SPG11: variants seen among roughly 807,000 people sequenced by gnomAD.
The protein encoded by SPG11 is SPG11 vesicle trafficking associated, spatacsin.
A neutral mutation model predicts 274.0 loss-of-function variants in SPG11; 222 were observed. The observed-to-expected ratio is 0.81, with a 90% confidence interval of 0.73 to 0.91. The LOEUF is 0.91. SPG11 is among the 40% of genes least tolerant of loss of function. SPG11 has a pLI of 0.00. For missense variants in SPG11, 3,114 were observed against 2,872.7 expected, an observed-to-expected ratio of 1.08 and a Z score of -1.92; for synonymous variants, 1,144 against 1,039.7, an observed-to-expected ratio of 1.10 and a Z score of -1.93.
chr15:44,572,775 A>G lies in SPG11; in HGVS notation c.6251T>C (p.Leu2084Pro). The G allele has an allele frequency of 6.2e-7, 1 of 1,614,138 alleles. No individual in the cohort carries two copies. The highest frequency in any genetic ancestry group is 8.5e-7 in the Non-Finnish European group (1 of 1,180,018). Residue 2084 changes from leucine (L) to proline (P), a missense_variant, in exon 33 of 40, where the codon CTT becomes CCT. By Grantham distance (98) the Leu-to-Pro change is moderately conservative. Transcript: ENST00000261866. Reference sequence around the variant, plus strand: ...GTCTTGACACAGAGTGGTCAGCTGAAGAAATGTCTGGCTTTCCTCTGTTGG... The same window carrying G: ...GTCTTGACACAGAGTGGTCAGCTGAGGAAATGTCTGGCTTTCCTCTGTTGG... ...FNPTEESQTF[L>P]QLTTLCQDRT...
In SPG11 at chr15:44,600,242, CAT is replaced by C. The variant is rs2083151040; in HGVS notation, c.3686+223_3686+224del. 6.0e-6 allele frequency: 3 copies of C among 500,602 alleles called. No homozygotes were observed. The South Asian group carries it at 6.5e-5, about 11-fold the overall frequency. 31.0% of individuals were successfully genotyped at this position (500,602 alleles called of 1,614,324 possible). ...TATGTTTTTCAATGTACATGTAAAA[CAT>C]TATACAGATATGCCCTTTTTTAGAA... On this transcript the variant is annotated intron_variant, in intron 21 of 39. Coordinates refer to ENST00000261866, the MANE Select transcript of SPG11 (RefSeq NM_025137.4).
At chr15:44,575,493 CTTTTT>C (rs35699941) in intron 30 of SPG11, among the ~76,000 whole-genome samples, 3 of 138,458 alleles carry the variant, frequency 2.2e-5, no homozygotes, top group Admixed American at 7.4e-5. Context: ...CTCCAACATA[CTTTTT>C]TTTTTTTTTT....
chr15:44,580,458 G>A (rs2082636991), intron 30 of SPG11, among the ~76,000 whole-genome samples: 1 of 152,142 alleles, frequency 6.6e-6, no homozygotes, highest in Non-Finnish European at 1.5e-5. Flanking sequence ...TATCCAATCT[G>A]AACAACAGAG....
Position 44,564,448 on chromosome 15 carries a change from A to C in SPG11, c.7151+99T>G, listed in dbSNP as rs530894828. 13 of 1,191,492 alleles carry C rather than the reference A, an allele frequency of 1.1e-5. No individual in the cohort carries two copies. The Admixed American group carries it at 1.5e-4, about 14-fold the overall frequency. 73.8% of individuals were successfully genotyped at this position (1,191,492 alleles called of 1,614,324 possible). A position where few individuals can be genotyped will look rare whatever the true frequency, so the allele number is the denominator to read the frequency against. ...TGCTTTGCCATTTTAAGTAGAGGTA[A>C]TCTAAAGGCATGGTGTACTTAGCCA... On this transcript the variant is annotated intron_variant, in intron 39 of 39. Coordinates refer to ENST00000261866, the MANE Select transcript of SPG11 (RefSeq NM_025137.4).
chr15:44,640,794 G>A (rs2084416958), intron 7 of SPG11, among the ~76,000 whole-genome samples: 1 of 152,140 alleles, frequency 6.6e-6, no homozygotes, highest in South Asian at 2.1e-4. Flanking sequence ...GCAGTGTCCT[G>A]ATCTTGGCTC....
At position 44,614,514 on chromosome 15, in the gene SPG11, G is replaced by A. The variant is rs150165446; in HGVS notation, c.3038+849C>T. Among the ~76,000 whole-genome samples, 654 of 152,296 alleles carry A rather than the reference G, an allele frequency of 4.3e-3. 4 individuals are homozygous for A. The highest frequency in any genetic ancestry group is 0.014 in the African/African-American group (600 of 41,552). On this transcript the variant is annotated intron_variant, in intron 16 of 39. Transcript: ENST00000261866. ...GCTGGGATTAGAGATGTGAGCCACC[G>A]TGCCCGGCCAATTCCTAGTCTTTAC...
At position 44,651,526 on chromosome 15, in the gene SPG11, C is replaced by G; in HGVS notation, c.1421G>C (p.Ser474Thr). 1 of 1,614,226 alleles carries G rather than the reference C, an allele frequency of 6.2e-7. No individual in the cohort carries two copies. The highest frequency in any genetic ancestry group is 8.5e-7 in the Non-Finnish European group (1 of 1,180,038). ...AAAGCACAGCTGCTGGTCTCCACTA[C>G]TGTCTACAGGAATACACTTTGTGCC... ...SLGTKCIPVD[S>T]SGDQQLCFVL... The change falls in exon 6 of 40, where the codon AGT (serine) becomes ACT (threonine). Residue 474 changes from serine to threonine, a missense_variant. By Grantham distance (58) the Ser-to-Thr change is moderately conservative (BLOSUM62 1). Transcript: ENST00000261866.
At chr15:44,591,980 G>A (rs1255903067) in intron 27 of SPG11, among the ~76,000 whole-genome samples, 4 of 151,788 alleles carry the variant, frequency 2.6e-5, no homozygotes, top group Admixed American at 2.0e-4. Context: ...GTGTGGTGGT[G>A]GGCACCTGTA....
Position 44,637,565 on chromosome 15 carries a change from C to T in SPG11, c.1603-3928G>A, listed in dbSNP as rs115106826. 7.0e-3 allele frequency among the ~76,000 whole-genome samples: 1,068 copies of T among 152,290 alleles called. 13 individuals are homozygous for T. Among genetic ancestry groups the T allele is most frequent in the African/African-American group, 0.024 (991 of 41,554 alleles). Reference sequence around the variant, plus strand: ...CTGGCCTCAAGTGATCTGCGCACCTCGGCCTCCCAAAGTGGATTACAGGTG... The same window carrying T: ...CTGGCCTCAAGTGATCTGCGCACCTTGGCCTCCCAAAGTGGATTACAGGTG... On this transcript the variant is annotated intron_variant, in intron 7 of 39. Coordinates refer to ENST00000261866, the MANE Select transcript of SPG11 (RefSeq NM_025137.4).
chr15:44,598,125 T>C (rs1050745374), intron 23 of SPG11, 140 bp downstream of exon 23: 14 of 670,538 alleles, frequency 2.1e-5, no homozygotes, highest in Middle Eastern at 2.4e-4. Flanking sequence ...ACTGAGTATC[T>C]GCTACATGCT....
chr15:44,621,907 G>GAAAA lies in SPG11; in HGVS notation c.2468_2471dup (p.Lys825PhefsTer14). On this transcript the variant is annotated frameshift_variant, in exon 14 of 40. Transcript: ENST00000261866. LOFTEE classifies it high-confidence loss of function. ...ATGAGTCCAAAACAGACTTGTGCTTGAAAAAATCTTGTTCCTTTATCCAGT... is the reference window on the plus strand; with the variant it reads ...ATGAGTCCAAAACAGACTTGTGCTTGAAAAAAAAAATCTTGTTCCTTTATCCAGT... The GAAAA allele has an allele frequency of 6.2e-7, 1 of 1,612,026 alleles. No homozygotes were observed. The highest frequency in any genetic ancestry group is 8.5e-7 in the Non-Finnish European group (1 of 1,179,388).
chr15:44,622,911 A>C (rs879608331), intron 11 of SPG11, 112 bp from the exon 12 acceptor site: 5 of 827,304 alleles, frequency 6.0e-6, no homozygotes, highest in Non-Finnish European at 1.1e-5. Context: ...ATCTTGTTAG[A>C]ATTCCATAGC....
chr15:44,571,406 T>C (rs371427541), intron 33 of SPG11, among the ~76,000 whole-genome samples: 1 of 152,164 alleles, frequency 6.6e-6, no homozygotes, highest in African/African-American at 2.4e-5. Flanking sequence ...TAGATGCTTA[T>C]AGTGTCTGGC....
chr15:44,624,964 G>A (rs977074646), intron 11 of SPG11, among the ~76,000 whole-genome samples: 12 of 151,884 alleles, frequency 7.9e-5, no homozygotes, highest in Admixed American at 5.2e-4. Flanking sequence ...GAGAAACCCC[G>A]TCTCTGCTAA....
Position 44,622,288 on chromosome 15 carries a change from G to C in SPG11, c.2376C>G (p.Phe792Leu), listed in dbSNP as rs769270075. The C allele has an allele frequency of 5.7e-6, 9 of 1,591,614 alleles. No individual in the cohort carries two copies. The highest frequency in any genetic ancestry group is 7.8e-6 in the Non-Finnish European group (9 of 1,160,244). Residue 792 changes from phenylalanine (F) to leucine (L), a missense_variant, in exon 13 of 40, where the codon TTC becomes TTG. Physicochemically the swap from Phe to Leu is conservative, Grantham distance 22. Coordinates refer to ENST00000261866, the MANE Select transcript of SPG11 (RefSeq NM_025137.4). Reference sequence around the variant, plus strand: ...AATAAAGCTTCTCAACTTGATGCACGAAGTCTATAGTTCTTTTCTCTTTTT... The same window carrying C: ...AATAAAGCTTCTCAACTTGATGCACCAAGTCTATAGTTCTTTTCTCTTTTT... ...FSEKEKRTID[F>L]VHQVEKLYLG...
chr15:44,619,719 T>G (rs979884814), intron 15 of SPG11, among the ~76,000 whole-genome samples: 13 of 149,974 alleles, frequency 8.7e-5, no homozygotes, highest in African/African-American at 3.0e-4. Flanking sequence ...TAAATGCATA[T>G]GATTTTTTTT....
At chr15:44,657,424 C>T (rs2084973764) in intron 3 of SPG11, 128 bp from the exon 4 acceptor site, 1 of 795,598 alleles carries the variant, frequency 1.3e-6, no homozygotes, top group African/African-American at 1.7e-5. Flanking sequence ...AGACTGAAAA[C>T]TGAGGCAAGC....
intron 30 of SPG11, among the ~76,000 whole-genome samples, chr15:44,579,213 T>A (rs2082609095): frequency 6.7e-6 from 1 of 149,794 alleles, no homozygotes; most frequent in African/African-American, 2.5e-5. Context: ...CAACCCCAGA[T>A]TACTCAGCAT....
At chr15:44,658,114 G>A (rs1367635302) in intron 3 of SPG11, among the ~76,000 whole-genome samples, 6 of 152,196 alleles carry the variant, frequency 3.9e-5, no homozygotes, top group East Asian at 1.9e-4. Context: ...AGCCACATAC[G>A]CTTAGTGCCT....
Sources: allele counts gnomAD v4.1 joint callset (sites outside exome capture counted in the v4.1 genomes callset), GRCh38; gene constraint gnomAD v4.1.1; transcripts MANE v1.5; gene names NCBI Gene and HGNC (gene_info 2026-07-23, HGNC 2026-07-21).